The following SKAP1 variants were observed in gnomAD, a reference collection of about 807,000 sequenced individuals.
The protein encoded by SKAP1 is src kinase-associated phosphoprotein 1.
In SKAP1, 44 loss-of-function variants were observed where a neutral mutation model predicts 58.5. That is an observed-to-expected ratio of 0.75 (90% CI 0.59 to 0.97). The LOEUF is 0.97. Among genes scored for constraint, SKAP1 ranks in the 50% least tolerant of loss-of-function variants. SKAP1 has a pLI of 0.00. For missense variants in SKAP1, 390 were observed against 435.2 expected (o/e 0.90, Z 0.92); for synonymous variants, 127 against 149.7 (o/e 0.85, Z 1.11).
intron 1 of SKAP1, among the ~76,000 whole-genome samples, chr17:48,419,782 C>T (rs2067773562): frequency 1.3e-5 from 2 of 151,852 alleles, no homozygotes; most frequent in East Asian, 1.9e-4. Flanking sequence ...TTTAGTAAAG[C>T]GTCTATTATT....
At chr17:48,377,079 G>C (rs2067158951) in intron 2 of SKAP1, among the ~76,000 whole-genome samples, 1 of 152,186 alleles carries the variant, frequency 6.6e-6, no homozygotes, top group African/African-American at 2.4e-5. Context: ...AGGATACTGA[G>C]TAGGTTCCAA....
chr17:48,328,614 T>G (rs2066467005), intron 4 of SKAP1, among the ~76,000 whole-genome samples: 1 of 151,862 alleles, frequency 6.6e-6, no homozygotes, highest in African/African-American at 2.4e-5. Context: ...AAAAAAAAAG[T>G]GCTGATTTTT....
At chr17:48,308,391 C>G (rs1361998208) in intron 4 of SKAP1, 3 of 152,028 alleles carry the variant, frequency 2.0e-5, no homozygotes, top group Admixed American at 6.6e-5. Context: ...TAAACTAGAC[C>G]TACTTTTGGA....
At chr17:48,159,986 A>T (rs1237861483) in intron 11 of SKAP1, among the ~76,000 whole-genome samples, 1 of 152,192 alleles carries the variant, frequency 6.6e-6, no homozygotes, top group African/African-American at 2.4e-5. Context: ...CTTTTTGGGA[A>T]AGAAATATGC....
chr17:48,406,842 G>A (rs915683350), intron 1 of SKAP1, among the ~76,000 whole-genome samples: 10 of 151,868 alleles, frequency 6.6e-5, no homozygotes, highest in South Asian at 2.1e-4. Context: ...CTGGGATTAC[G>A]GGTGTAAGCC....
chr17:48,206,074 A>G (rs763781289), intron 4 of SKAP1, among the ~76,000 whole-genome samples: 1 of 152,214 alleles, frequency 6.6e-6, no homozygotes, highest in Non-Finnish European at 1.5e-5. Context: ...GGAGATCTCC[A>G]GGAGAGACTA....
chr17:48,331,646 C>A (rs1037856264), intron 4 of SKAP1, among the ~76,000 whole-genome samples: 1 of 151,660 alleles, frequency 6.6e-6, no homozygotes, highest in African/African-American at 2.4e-5. Context: ...TTGCTGTGAT[C>A]TGAGATCGCG....
intron 4 of SKAP1, among the ~76,000 whole-genome samples, chr17:48,208,871 G>A (rs1314209649): frequency 6.6e-6 from 1 of 152,160 alleles, no homozygotes; most frequent in Non-Finnish European, 1.5e-5. Flanking sequence ...TTAGAAGTGA[G>A]AGGCAAGTGT....
At chr17:48,401,508 C>A (rs1359832316) in intron 1 of SKAP1, among the ~76,000 whole-genome samples, 1 of 151,976 alleles carries the variant, frequency 6.6e-6, no homozygotes. Flanking sequence ...AGGGTCAAGA[C>A]AATTAAATGT....
intron 10 of SKAP1, among the ~76,000 whole-genome samples, chr17:48,169,359 G>A (rs62066410): frequency 2.5e-4 from 38 of 152,178 alleles, no homozygotes; most frequent in Non-Finnish European, 3.1e-4. Context: ...TTTCTTTTCT[G>A]CACTGGTGAT....
At chr17:48,400,515 AC>A (rs1402970871) in intron 1 of SKAP1, among the ~76,000 whole-genome samples, 2 of 152,132 alleles carry the variant, frequency 1.3e-5, no homozygotes, top group East Asian at 3.9e-4. Flanking sequence ...TATTCTCAGC[AC>A]TTCGGGAGGC....
chr17:48,242,236 A>G (rs932310543), intron 4 of SKAP1, among the ~76,000 whole-genome samples: 2 of 152,192 alleles, frequency 1.3e-5, no homozygotes, highest in African/African-American at 4.8e-5. Context: ...AATTAGCTGT[A>G]TTAAGTGCCT....
the SKAP1 span, among the ~76,000 whole-genome samples, chr17:48,441,037 A>T: frequency 6.6e-6 from 1 of 152,182 alleles, no homozygotes; most frequent in Non-Finnish European, 1.5e-5. Context: ...TTCACATGAG[A>T]TGCTGGCCGA....
chr17:48,149,064 C>T (rs1252994901), intron 11 of SKAP1, among the ~76,000 whole-genome samples: 2 of 152,182 alleles, frequency 1.3e-5, no homozygotes, highest in Non-Finnish European at 2.9e-5. Context: ...GAGCCTCTCT[C>T]CTTTCCACTC....
chr17:48,303,624 G>A (rs923984760), intron 4 of SKAP1, among the ~76,000 whole-genome samples: 2 of 152,128 alleles, frequency 1.3e-5, no homozygotes, highest in Non-Finnish European at 2.9e-5. Flanking sequence ...TGTGGCTATA[G>A]AACCATCTTA....
At chr17:48,357,777 T>C (rs557401987) in intron 3 of SKAP1, among the ~76,000 whole-genome samples, 116 of 152,314 alleles carry the variant, frequency 7.6e-4, no homozygotes, top group African/African-American at 2.7e-3. Flanking sequence ...GTAAATTATT[T>C]GAAAAGGTAT....
At chr17:48,304,591 C>G (rs2066110287) in intron 4 of SKAP1, among the ~76,000 whole-genome samples, 1 of 152,114 alleles carries the variant, frequency 6.6e-6, no homozygotes, top group East Asian at 1.9e-4. Flanking sequence ...ATAGGAACAG[C>G]CATTAACATA....
chr17:48,269,552 T>TTGTGC (rs2065601023), intron 4 of SKAP1, among the ~76,000 whole-genome samples: 1 of 152,226 alleles, frequency 6.6e-6, no homozygotes, highest in Non-Finnish European at 1.5e-5. Flanking sequence ...GCCCAAATTA[T>TTGTGC]TGTGCTCCAT....
chr17:48,258,798 G>A (rs1355244487), intron 4 of SKAP1, among the ~76,000 whole-genome samples: 2 of 152,078 alleles, frequency 1.3e-5, no homozygotes, highest in Admixed American at 6.6e-5. Flanking sequence ...GGGACAAACT[G>A]TATAGATGGG....
Sources: gnomAD v4.1 joint callset for allele counts (sites outside exome capture counted in the v4.1 genomes callset) on GRCh38, gnomAD v4.1.1 for gene constraint, MANE v1.5 for transcripts, NCBI Gene and HGNC (gene_info 2026-07-23, HGNC 2026-07-21) for gene names.